Variants in CACNA2D3 observed in about 807,000 individuals in gnomAD.
The protein encoded by CACNA2D3 is voltage-dependent calcium channel subunit alpha-2/delta-3.
A neutral mutation model predicts 160.6 loss-of-function variants in CACNA2D3; 60 were observed. The ratio of observed to expected loss-of-function variants is 0.37; its 90% CI spans 0.30 to 0.46. The LOEUF is 0.46. CACNA2D3 is among the 20% of genes least tolerant of loss of function. The pLI, the probability that CACNA2D3 is intolerant of heterozygous loss-of-function variation, is 1.00. For missense variants in CACNA2D3, 1,205 were observed against 1,365.0 expected, an observed-to-expected ratio of 0.88 and a Z score of 1.85; for synonymous variants, 558 against 492.9, an observed-to-expected ratio of 1.13 and a Z score of -1.75.
At chr3:54,440,420 C>A (rs370878068) in intron 4 of CACNA2D3, among the ~76,000 whole-genome samples, 1 of 152,122 alleles carries the variant, frequency 6.6e-6, no homozygotes, top group East Asian at 1.9e-4. Flanking sequence ...TTGTCCTGAG[C>A]TCCCTTTCTG....
chr3:54,744,446 T>G (rs1207404113), intron 11 of CACNA2D3, among the ~76,000 whole-genome samples: 1 of 152,106 alleles, frequency 6.6e-6, no homozygotes, highest in African/African-American at 2.4e-5. Flanking sequence ...AGACTTTGGA[T>G]TTTGCGGGGA....
intron 13 of CACNA2D3, among the ~76,000 whole-genome samples, chr3:54,808,819 A>T (rs1703204336): frequency 1.3e-5 from 2 of 152,108 alleles, no homozygotes; most frequent in Admixed American, 6.5e-5. Context: ...GCTCAGTGAG[A>T]GGGGTTCTGA....
At chr3:54,438,985 A>G (rs1227596166) in intron 4 of CACNA2D3, among the ~76,000 whole-genome samples, 1 of 152,222 alleles carries the variant, frequency 6.6e-6, no homozygotes, top group East Asian at 1.9e-4. Flanking sequence ...TGGGAATACA[A>G]GTGCCCAATC....
chr3:54,328,339 T>C (rs1230572989), intron 3 of CACNA2D3, among the ~76,000 whole-genome samples: 1 of 152,216 alleles, frequency 6.6e-6, no homozygotes, highest in African/African-American at 2.4e-5. Flanking sequence ...TGGAGTGCAA[T>C]GGCCCGATCT....
At chr3:54,374,125 A>G (rs1289810645) in intron 3 of CACNA2D3, among the ~76,000 whole-genome samples, 2 of 152,196 alleles carry the variant, frequency 1.3e-5, no homozygotes, top group Non-Finnish European at 2.9e-5. Flanking sequence ...GGCTTATTTG[A>G]TAGTTAGAAA....
chr3:54,804,824 A>G (rs1376349952), intron 13 of CACNA2D3, among the ~76,000 whole-genome samples: 1 of 152,244 alleles, frequency 6.6e-6, no homozygotes, highest in Non-Finnish European at 1.5e-5. Flanking sequence ...CAGCAAATGT[A>G]AAAGAACAGA....
chr3:54,918,202 C>T (rs181405687), intron 27 of CACNA2D3: 114 of 411,170 alleles, frequency 2.8e-4, no homozygotes, highest in African/African-American at 2.0e-3. Context: ...CTTACCCCCA[C>T]ATAGAATCGT....
chr3:54,208,704 C>T lies in CACNA2D3; in HGVS notation c.204+85110C>T, dbSNP rs76014929. On this transcript the variant is annotated intron_variant, in intron 2 of 37. Coordinates refer to ENST00000474759, the MANE Select transcript of CACNA2D3 (RefSeq NM_018398.3). ...GTTCTGGTCTATATGGGTCTGCTTT[C>T]CTTGTTTTAGAGCATCACTGTGTAG... is the stretch of plus-strand genomic sequence containing the variant. Among the ~76,000 whole-genome samples, 45 of 151,988 alleles carry T rather than the reference C, an allele frequency of 3.0e-4. No individual in the cohort carries two copies. In the East Asian group the frequency reaches 4.5e-3, roughly 15 times the overall value.
chr3:54,288,390 G>A (rs1055745653), intron 2 of CACNA2D3, among the ~76,000 whole-genome samples: 2 of 152,154 alleles, frequency 1.3e-5, no homozygotes, highest in Admixed American at 6.5e-5. Flanking sequence ...TTGAATCTCT[G>A]AATAGACCAA....
intron 17 of CACNA2D3, among the ~76,000 whole-genome samples, chr3:54,858,080 A>G (rs989129562): frequency 1.3e-5 from 2 of 151,620 alleles, no homozygotes; most frequent in Admixed American, 1.3e-4. Flanking sequence ...TTAATTTCAT[A>G]TCTAGAATGC....
At chr3:54,446,090 A>G (rs1700218078) in intron 4 of CACNA2D3, among the ~76,000 whole-genome samples, 1 of 152,226 alleles carries the variant, frequency 6.6e-6, no homozygotes, top group Non-Finnish European at 1.5e-5. Context: ...TGTTCATAGA[A>G]GAAGAGAACA....
In CACNA2D3 at chr3:54,977,367, G is replaced by A. The variant is rs138789557; in HGVS notation, c.2557-7241G>A. On this transcript the variant is annotated intron_variant, in intron 29 of 37. Coordinates refer to ENST00000474759, the MANE Select transcript of CACNA2D3 (RefSeq NM_018398.3). ...TCCTGTGCGATTGGAGCTGTTTAAC[G>A]TTACTTTCATGGACTTCATGAAATC... Among the ~76,000 whole-genome samples the A allele has an allele frequency of 2.5e-4, 38 of 152,186 alleles. No homozygotes were observed. In the East Asian group the frequency reaches 6.0e-3, roughly 24 times the overall value.
At chr3:55,048,828 TGAGA>T (rs1297284671) in intron 35 of CACNA2D3, among the ~76,000 whole-genome samples, 5 of 130,834 alleles carry the variant, frequency 3.8e-5, no homozygotes, top group Admixed American at 2.2e-4. Flanking sequence ...GGTTTAGTCT[TGAGA>T]GAGTGTATGT....
At chr3:54,146,848 G>C (rs1339715154) in intron 2 of CACNA2D3, among the ~76,000 whole-genome samples, 2 of 152,268 alleles carry the variant, frequency 1.3e-5, no homozygotes, top group African/African-American at 4.8e-5. Context: ...AGAGGCAGAC[G>C]TGGAGGCTGC....
intron 5 of CACNA2D3, among the ~76,000 whole-genome samples, chr3:54,516,114 C>T (rs1701546820): frequency 6.6e-6 from 1 of 152,192 alleles, no homozygotes; most frequent in African/African-American, 2.4e-5. Context: ...ATCTTCACTA[C>T]CTGATGAATG....
At chr3:54,948,059 A>G (rs896983739) in intron 27 of CACNA2D3, among the ~76,000 whole-genome samples, 4 of 152,186 alleles carry the variant, frequency 2.6e-5, no homozygotes, top group Admixed American at 6.5e-5. Context: ...CAGACCTTCT[A>G]CGGAGGAGAT....
At chr3:54,144,219 T>G (rs1699984760) in intron 2 of CACNA2D3, among the ~76,000 whole-genome samples, 1 of 152,224 alleles carries the variant, frequency 6.6e-6, no homozygotes, top group African/African-American at 2.4e-5. Flanking sequence ...CCGAAATGAT[T>G]TGTGTTCTGG....
At chr3:54,897,048 C>A in intron 26 of CACNA2D3, 178 bp downstream of exon 26, 1 of 601,460 alleles carries the variant, frequency 1.7e-6, no homozygotes. Flanking sequence ...GTAATAGCCT[C>A]AAAGAAAAGG....
intron 27 of CACNA2D3, among the ~76,000 whole-genome samples, chr3:54,908,399 G>A (rs1400019670): frequency 6.6e-6 from 1 of 152,154 alleles, no homozygotes; most frequent in Non-Finnish European, 1.5e-5. Context: ...AGCTGTAAGA[G>A]TTGTTCATAT....
Sources: gnomAD v4.1 joint callset for allele counts (sites outside exome capture counted in the v4.1 genomes callset) on GRCh38, gnomAD v4.1.1 for gene constraint, MANE v1.5 for transcripts, NCBI Gene and HGNC (gene_info 2026-07-23, HGNC 2026-07-21) for gene names.